CPNE8: variants seen among roughly 807,000 people sequenced by gnomAD.
CPNE8 encodes copine-8.
Under a neutral mutation model 81.5 loss-of-function variants are expected in CPNE8, and 45 were observed. The observed-to-expected ratio is 0.55, with a 90% confidence interval of 0.44 to 0.71. CPNE8 has a LOEUF of 0.71. CPNE8 is among the 30% of genes least tolerant of loss of function. CPNE8 has a pLI of 0.00. For missense variants in CPNE8, 594 were observed against 672.1 expected (o/e 0.88, Z 1.28); for synonymous variants, 252 against 226.3 (o/e 1.11, Z -1.02).
chr12:38,732,001 T>C (rs1208495183), intron 10 of CPNE8, among the ~76,000 whole-genome samples: 1 of 151,818 alleles, frequency 6.6e-6, no homozygotes, highest in Non-Finnish European at 1.5e-5. Context: ...ACCACTGAGA[T>C]AAAAGGTTCT....
intron 1 of CPNE8, among the ~76,000 whole-genome samples, chr12:38,886,787 G>A (rs1217212969): frequency 1.1e-4 from 16 of 152,254 alleles, no homozygotes; most frequent in South Asian, 6.2e-4. Context: ...TCTGGTGGAA[G>A]GAATATATAA....
At chr12:38,748,561 C>T (rs1046591784) in intron 10 of CPNE8, among the ~76,000 whole-genome samples, 5 of 151,872 alleles carry the variant, frequency 3.3e-5, no homozygotes, top group Non-Finnish European at 7.4e-5. Flanking sequence ...AGTGCAGTGG[C>T]GTGATCGCAG....
chr12:38,680,605 A>G (rs1939388800), intron 16 of CPNE8, among the ~76,000 whole-genome samples: 1 of 152,024 alleles, frequency 6.6e-6, no homozygotes, highest in East Asian at 1.9e-4. Context: ...TCTACCACAA[A>G]TGATCACTCT....
At chr12:38,706,248 T>C (rs1940103123) in intron 13 of CPNE8, among the ~76,000 whole-genome samples, 1 of 152,148 alleles carries the variant, frequency 6.6e-6, no homozygotes. Context: ...ATGTTCTTTT[T>C]TGTGTGTGAC....
At position 38,653,759 on chromosome 12, in the gene CPNE8, C is replaced by A; in HGVS notation, c.*123G>T. 2 of 1,355,916 alleles carry A rather than the reference C, an allele frequency of 1.5e-6. No individual in the cohort carries two copies. Among genetic ancestry groups the A allele is most frequent in the Non-Finnish European group, 1.9e-6 (2 of 1,043,910 alleles). 84.0% of individuals were successfully genotyped at this position (1,355,916 alleles called of 1,614,324 possible). On this transcript the variant is annotated 3_prime_UTR_variant, in exon 20 of 20. Transcript: ENST00000331366. Reference sequence around the variant, plus strand: ...ATTTAAATTTGGATCCAAGAAAGCACATTAACTGCTGAAACCAAACTGAGA... The same window carrying A: ...ATTTAAATTTGGATCCAAGAAAGCAAATTAACTGCTGAAACCAAACTGAGA...
At chr12:38,732,246 T>C (rs1435919520) in intron 10 of CPNE8, among the ~76,000 whole-genome samples, 2 of 151,898 alleles carry the variant, frequency 1.3e-5, no homozygotes, top group East Asian at 1.9e-4. Context: ...CACACAATGC[T>C]TATCAAAAAC....
At chr12:38,884,714 T>C (rs1023551960) in intron 1 of CPNE8, among the ~76,000 whole-genome samples, 1 of 152,204 alleles carries the variant, frequency 6.6e-6, no homozygotes, top group Non-Finnish European at 1.5e-5. Flanking sequence ...TTTTTTTTTA[T>C]AATTGTATAG....
At chr12:38,846,677 C>T (rs1943565051) in intron 4 of CPNE8, among the ~76,000 whole-genome samples, 1 of 152,118 alleles carries the variant, frequency 6.6e-6, no homozygotes, top group Non-Finnish European at 1.5e-5. Context: ...TTAACTTTCA[C>T]ACCAAGTTGA....
At chr12:38,794,632 T>C (rs1942410353) in intron 6 of CPNE8, among the ~76,000 whole-genome samples, 1 of 146,700 alleles carries the variant, frequency 6.8e-6, no homozygotes, top group African/African-American at 2.6e-5. Context: ...ATAACTACTA[T>C]TTAAAAAAAA....
In CPNE8 at chr12:38,899,673, G is replaced by A. The variant is rs74086044; in HGVS notation, c.98+5764C>T. 4.6e-3 allele frequency among the ~76,000 whole-genome samples: 698 copies of A among 152,294 alleles called. 4 individuals are homozygous for A. The highest frequency in any genetic ancestry group is 0.016 in the African/African-American group (674 of 41,548). Reference sequence around the variant, plus strand: ...AAAATTTGTTATTTTTTACTGATGTGTAGAGTATGTAGCTTGGCACACAAT... The same window carrying A: ...AAAATTTGTTATTTTTTACTGATGTATAGAGTATGTAGCTTGGCACACAAT... On this transcript the variant is annotated intron_variant, in intron 1 of 19. Coordinates refer to ENST00000331366, the MANE Select transcript of CPNE8 (RefSeq NM_153634.3).
intron 6 of CPNE8, among the ~76,000 whole-genome samples, chr12:38,795,176 C>T (rs916146818): frequency 1.3e-5 from 2 of 152,218 alleles, no homozygotes; most frequent in Admixed American, 6.5e-5. Context: ...AGCTTCCTTG[C>T]TCCTCAACCT....
chr12:38,658,393 G>T (rs1290394456), intron 19 of CPNE8, among the ~76,000 whole-genome samples: 1 of 152,150 alleles, frequency 6.6e-6, no homozygotes, highest in Non-Finnish European at 1.5e-5. Context: ...AGAAATATGA[G>T]ACTATGTGAA....
chr12:38,812,802 C>T (rs1942960782), intron 6 of CPNE8, among the ~76,000 whole-genome samples: 1 of 152,170 alleles, frequency 6.6e-6, no homozygotes, highest in Admixed American at 6.5e-5. Context: ...GCCCCTCTTG[C>T]CTTTCTGCCT....
intron 6 of CPNE8, among the ~76,000 whole-genome samples, chr12:38,781,632 CAT>C (rs548063515): frequency 1.3e-5 from 2 of 152,124 alleles, no homozygotes; most frequent in East Asian, 3.9e-4. Context: ...CTCCAAAATA[CAT>C]AAAGCAAAAT....
intron 6 of CPNE8, among the ~76,000 whole-genome samples, chr12:38,801,855 A>G (rs936818860): frequency 6.1e-5 from 6 of 98,620 alleles, no homozygotes; most frequent in Admixed American, 1.3e-4. Context: ...AGGGGTTGCA[A>G]TCCTAGTCTC....
intron 1 of CPNE8, among the ~76,000 whole-genome samples, chr12:38,896,952 G>T (rs528029965): frequency 5.3e-5 from 8 of 152,150 alleles, no homozygotes; most frequent in Non-Finnish European, 1.2e-4. Context: ...TGCTTTTCTT[G>T]TGACAGGCTG....
chr12:38,668,613 C>G (rs1939108348), intron 19 of CPNE8, among the ~76,000 whole-genome samples: 1 of 152,162 alleles, frequency 6.6e-6, no homozygotes, highest in Non-Finnish European at 1.5e-5. Context: ...CTAAAGACTT[C>G]AAATTCATAC....
chr12:38,778,851 T>C (rs1406752671), intron 6 of CPNE8, among the ~76,000 whole-genome samples: 1 of 152,186 alleles, frequency 6.6e-6, no homozygotes, highest in African/African-American at 2.4e-5. Flanking sequence ...GTATGTAATA[T>C]ACAGTCATGC....
In CPNE8 at chr12:38,653,909, AGGTGG is replaced by A; in HGVS notation, c.1663_1667del (p.Pro555TyrfsTer13). 6.2e-7 allele frequency: 1 copy of A among 1,613,340 alleles called. No individual in the cohort carries two copies. Among genetic ancestry groups the A allele is most frequent in the Non-Finnish European group, 8.5e-7 (1 of 1,179,854 alleles). On this transcript the variant is annotated frameshift_variant, in exon 20 of 20. Coordinates refer to ENST00000331366, the MANE Select transcript of CPNE8 (RefSeq NM_153634.3). LOFTEE classifies it high-confidence loss of function. ...ATATTTGAGTCTGTAACACATGTGT[AGGTGG>A]GGTGTATGGGGGAGGCGCAGGTGAT...
Sources: gnomAD v4.1 joint callset for allele counts (sites outside exome capture counted in the v4.1 genomes callset) on GRCh38, gnomAD v4.1.1 for gene constraint, MANE v1.5 for transcripts, NCBI Gene and HGNC (gene_info 2026-07-23, HGNC 2026-07-21) for gene names.